RCOR3: variants seen among roughly 807,000 people sequenced by gnomAD.
RCOR3 encodes REST corepressor 3.
In RCOR3, 13 loss-of-function variants were observed where a neutral mutation model predicts 64.1. The observed-to-expected ratio is 0.20, with a 90% CI of 0.13 to 0.32. The LOEUF is 0.32. Among genes scored for constraint, RCOR3 ranks in the 10% least tolerant of loss-of-function variants. RCOR3 has a pLI of 1.00. For missense variants in RCOR3, 489 were observed against 701.2 expected, an observed-to-expected ratio of 0.70 and a Z score of 3.42; for synonymous variants, 215 against 239.0, an observed-to-expected ratio of 0.90 and a Z score of 0.93.
At chr1:211,280,524 C>T (rs542422858) in intron 7 of RCOR3, among the ~76,000 whole-genome samples, 3 of 152,226 alleles carry the variant, frequency 2.0e-5, no homozygotes, top group Non-Finnish European at 1.5e-5. Context: ...TAATATCCCT[C>T]TCTCACAGTA....
chr1:211,269,902 A>G (rs1266562763), intron 2 of RCOR3, among the ~76,000 whole-genome samples: 1 of 152,084 alleles, frequency 6.6e-6, no homozygotes, highest in Non-Finnish European at 1.5e-5. Flanking sequence ...CTGAGGCAGT[A>G]GGATTGCTCG....
At chr1:211,296,287 C>T (rs1699856945) in intron 9 of RCOR3, among the ~76,000 whole-genome samples, 1 of 152,008 alleles carries the variant, frequency 6.6e-6, no homozygotes, top group African/African-American at 2.4e-5. Context: ...TCTTCTATTT[C>T]AGTTGAAACC....
rs1395423981 is a variant in RCOR3, at chr1:211,314,679, TGTTA to T, written c.*916_*919del. On this transcript the variant is annotated 3_prime_UTR_variant, in exon 12 of 12. Transcript: ENST00000419091. ...GGGACTTCAGAGAAGAATTATATTT[TGTTA>T]GTTAAGTAGACACAGTGGTTATGGA... 4 of 152,322 alleles carry T rather than the reference TGTTA, an allele frequency of 2.6e-5. No homozygotes were observed. Among genetic ancestry groups the T allele is most frequent in the Middle Eastern group, 3.4e-3 (1 of 294 alleles). 9.4% of individuals were successfully genotyped at this position (152,322 alleles called of 1,614,324 possible). A position where few individuals can be genotyped will look rare whatever the true frequency, so the allele number is the denominator to read the frequency against.
intron 2 of RCOR3, among the ~76,000 whole-genome samples, chr1:211,262,464 A>T (rs543052188): frequency 6.6e-6 from 1 of 151,858 alleles, no homozygotes; most frequent in East Asian, 1.9e-4. Flanking sequence ...TGGAGCTTTC[A>T]TTGGGAGTCT....
At position 211,278,355 on chromosome 1, in the gene RCOR3, A is replaced by G. The variant is rs184895484; in HGVS notation, c.641+114A>G. 14 of 1,214,536 alleles carry G rather than the reference A, an allele frequency of 1.2e-5. No individual in the cohort carries two copies. The South Asian group carries it at 1.9e-4, about 17-fold the overall frequency. 75.2% of individuals were successfully genotyped at this position (1,214,536 alleles called of 1,614,324 possible). ...CATTGTAAATATTCCTTATTCTTACATTTATGTTTCTACTCTGACAAGAAG... is the reference window on the plus strand; with the variant it reads ...CATTGTAAATATTCCTTATTCTTACGTTTATGTTTCTACTCTGACAAGAAG... On this transcript the variant is annotated intron_variant, in intron 6 of 11. Coordinates refer to ENST00000419091, the MANE Select transcript of RCOR3 (RefSeq NM_001136223.3).
In RCOR3 at chr1:211,259,438, C is replaced by T. The variant is rs987280754; in HGVS notation, c.-123C>T. The T allele has an allele frequency of 1.3e-5, 13 of 1,006,992 alleles. No homozygotes were observed. Among genetic ancestry groups the T allele is most frequent in the Non-Finnish European group, 1.9e-5 (13 of 699,992 alleles). 62.4% of individuals were successfully genotyped at this position (1,006,992 alleles called of 1,614,324 possible). The stretch of plus-strand genomic sequence containing the variant: ...GGCTCCATATTAACAGCCTCCTCCT[C>T]CTCCGCCGCCGCCGCCGTCTCCTCC... On this transcript the variant is annotated 5_prime_UTR_variant, in exon 1 of 12. Coordinates refer to ENST00000419091, the MANE Select transcript of RCOR3 (RefSeq NM_001136223.3).
At position 211,289,318 on chromosome 1, in the gene RCOR3, A is replaced by G; in HGVS notation, c.861A>G (p.Val287=). 1 of 1,614,150 alleles carries G rather than the reference A, an allele frequency of 6.2e-7. No homozygotes were observed. Among genetic ancestry groups the G allele is most frequent in the Non-Finnish European group, 8.5e-7 (1 of 1,180,006 alleles). Residue 287 remains valine, a synonymous_variant, in exon 8 of 12, where the codon GTA becomes GTG. Coordinates refer to ENST00000419091, the MANE Select transcript of RCOR3 (RefSeq NM_001136223.3). ...TGTATTTAACCCAGGAAGATGTGGT[A>G]GCAGTTTCCTGTAGTCCCAATGCAG... is the stretch of plus-strand genomic sequence containing the variant. The part of the protein sequence containing the change: ...KGMYLTQEDV[V]AVSCSPNAAN...
At chr1:211,274,169 T>C (rs1223348619) in intron 3 of RCOR3, 41 bp from the exon 4 acceptor site, 1 of 1,341,028 alleles carries the variant, frequency 7.5e-7, no homozygotes, top group Non-Finnish European at 1.1e-6. Context: ...GTAAATGAAG[T>C]AAATGAGAAT....
intron 4 of RCOR3, among the ~76,000 whole-genome samples, chr1:211,275,797 C>T (rs929588258): frequency 7.9e-5 from 12 of 151,558 alleles, no homozygotes; most frequent in Admixed American, 7.9e-4. Flanking sequence ...GCCTGTGATA[C>T]ACTTGTAAAA....
chr1:211,296,777 CAATT>C (rs1699899452), intron 9 of RCOR3, among the ~76,000 whole-genome samples: 1 of 152,012 alleles, frequency 6.6e-6, no homozygotes, highest in Non-Finnish European at 1.5e-5. Context: ...ATTCTAGTAA[CAATT>C]ATTTAAGGAT....
chr1:211,283,126 G>T (rs1464417484), intron 7 of RCOR3, among the ~76,000 whole-genome samples: 1 of 152,190 alleles, frequency 6.6e-6, no homozygotes, highest in Admixed American at 6.5e-5. Context: ...ATATGAACAT[G>T]TTCTGGATAC....
At chr1:211,294,580 TTC>T (rs1329841078) in intron 8 of RCOR3, among the ~76,000 whole-genome samples, 1 of 129,350 alleles carries the variant, frequency 7.7e-6, no homozygotes, top group Non-Finnish European at 1.6e-5. Flanking sequence ...TTTTCTTTCT[TTC>T]TTTCTTTTTT....
Position 211,276,422 on chromosome 1 carries a change from T to C in RCOR3, c.516+4T>C, listed in dbSNP as rs1201426189. ...CTTTCACAGGATTCAGCAAATGGTA[T>C]GGTAATTTTAATCTTACTGTGGTTC... On this transcript the variant is annotated splice_donor_region_variant and intron_variant, in intron 5 of 11. Transcript: ENST00000419091. The C allele has an allele frequency of 6.2e-7, 1 of 1,611,590 alleles. No individual in the cohort carries two copies. The highest frequency in any genetic ancestry group is 1.7e-5 in the Admixed American group (1 of 59,726).
chr1:211,292,180 T>C (rs1699318078), intron 8 of RCOR3, among the ~76,000 whole-genome samples: 1 of 152,228 alleles, frequency 6.6e-6, no homozygotes, highest in South Asian at 2.1e-4. Context: ...GCCATGTCTT[T>C]CTTTTTGGAA....
chr1:211,282,971 ATTC>A (rs1698029868), intron 7 of RCOR3, among the ~76,000 whole-genome samples: 1 of 152,182 alleles, frequency 6.6e-6, no homozygotes, highest in Non-Finnish European at 1.5e-5. Flanking sequence ...TATTGTATGT[ATTC>A]TTCAGTACTT....
intron 7 of RCOR3, among the ~76,000 whole-genome samples, chr1:211,284,068 T>A (rs896753873): frequency 4.6e-5 from 7 of 151,676 alleles, no homozygotes; most frequent in East Asian, 1.9e-4. Context: ...TTATTTATTT[T>A]TTTGAGATGG....
chr1:211,279,314 G>C lies in RCOR3; in HGVS notation c.718G>C (p.Glu240Gln), dbSNP rs1036653548. 2.1e-5 allele frequency: 33 copies of C among 1,604,262 alleles called. No individual in the cohort carries two copies. The highest frequency in any genetic ancestry group is 2.6e-5 in the Non-Finnish European group (30 of 1,171,654). Residue 240 changes from glutamate to glutamine, a missense_variant and splice_region_variant, in exon 7 of 12, where the codon GAG becomes CAG. By Grantham distance (29) the Glu-to-Gln change is conservative (BLOSUM62 2). Around this residue, in one of 2 missense-constraint regions of RCOR3, gnomAD observed 402 missense variants for 617.0 expected, o/e 0.65. Coordinates refer to ENST00000419091, the MANE Select transcript of RCOR3 (RefSeq NM_001136223.3). Reference protein sequence around the residue: ...DYDPKKEAKKEGNTEQPVQTS... With the variant: ...DYDPKKEAKKQGNTEQPVQTS... ...TGATCCCAAAAAAGAAGCCAAAAAA[G>C]AGGTAATGATGATCACTAGAAGTAC...
At chr1:211,272,456 A>C (rs2102476014) in intron 3 of RCOR3, among the ~76,000 whole-genome samples, 1 of 152,234 alleles carries the variant, frequency 6.6e-6, no homozygotes, top group East Asian at 1.9e-4. Flanking sequence ...TGTAGTGTTC[A>C]TGCGGAATAT....
At chr1:211,295,552 T>C in intron 8 of RCOR3, 124 bp from the exon 9 acceptor site, 1 of 738,572 alleles carries the variant, frequency 1.4e-6, no homozygotes, top group South Asian at 1.7e-5. Context: ...GTGTGATTAG[T>C]ATGACTATTC....
Sources: gnomAD v4.1 joint callset for allele counts (sites outside exome capture counted in the v4.1 genomes callset) on GRCh38, gnomAD v4.1.1 for gene constraint, gnomAD v4.1.1 regional missense constraint, MANE v1.5 for transcripts, NCBI Gene and HGNC (gene_info 2026-07-23, HGNC 2026-07-21) for gene names.